Variants in UNC45B observed in about 807,000 individuals in gnomAD.
UNC45B encodes the protein unc-45 myosin chaperone B.
A neutral mutation model predicts 98.7 loss-of-function variants in UNC45B; 78 were observed. The observed-to-expected ratio is 0.79, with a 90% CI of 0.66 to 0.95. UNC45B has a LOEUF of 0.95. Among genes scored for constraint, UNC45B ranks in the 40% least tolerant of loss-of-function variants. The pLI, the probability that UNC45B is intolerant of heterozygous loss-of-function variation, is 0.00. For synonymous variants in UNC45B, 462 were observed against 480.4 expected (o/e 0.96, Z 0.50); for missense variants, 1,225 against 1,184.9 (o/e 1.03, Z -0.50).
intron 5 of UNC45B, 86 bp from the exon 6 acceptor site, chr17:35,154,488 C>A: frequency 7.9e-7 from 1 of 1,260,114 alleles, no homozygotes; most frequent in Non-Finnish European, 1.1e-6. Context: ...CCAGTCTTTG[C>A]ACTGGCTCTT....
Position 35,150,243 on chromosome 17 carries a change from A to G in UNC45B, c.381+20A>G, listed in dbSNP as rs1445841180. On this transcript the variant is annotated intron_variant, in intron 4 of 19. Transcript: ENST00000394570. ...GAGAAGGTGAGCTGGGCCTCTTCCCACAACCCTTGGCTGCCCAGCCCCTCT... is the reference window on the plus strand; with the variant it reads ...GAGAAGGTGAGCTGGGCCTCTTCCCGCAACCCTTGGCTGCCCAGCCCCTCT... The G allele has an allele frequency of 5.6e-6, 9 of 1,596,598 alleles. No individual in the cohort carries two copies. Among genetic ancestry groups the G allele is most frequent in the Non-Finnish European group, 6.8e-6 (8 of 1,171,360 alleles).
chr17:35,161,988 C>T (rs2142550100), intron 8 of UNC45B, among the ~76,000 whole-genome samples: 1 of 152,326 alleles, frequency 6.6e-6, no homozygotes, highest in Non-Finnish European at 1.5e-5. Context: ...GGGATGGCTA[C>T]CTGGAGAGGG....
chr17:35,175,424 TG>T (rs2092225819), intron 14 of UNC45B, among the ~76,000 whole-genome samples: 1 of 151,940 alleles, frequency 6.6e-6, no homozygotes, highest in South Asian at 2.1e-4. Flanking sequence ...GGGAGGTGGG[TG>T]GGCAGCTGGT....
chr17:35,180,452 G>T, intron 17 of UNC45B, 107 bp from the exon 18 acceptor site: 1 of 820,136 alleles, frequency 1.2e-6, no homozygotes. Context: ...CTGAGGATGT[G>T]GGAAGGACAG....
At chr17:35,171,978 T>A (rs1241602705) in intron 13 of UNC45B, among the ~76,000 whole-genome samples, 5 of 150,922 alleles carry the variant, frequency 3.3e-5, no homozygotes, top group Admixed American at 1.3e-4. Context: ...TGCCAGCCAA[T>A]AAAATCATTT....
intron 9 of UNC45B, among the ~76,000 whole-genome samples, chr17:35,166,657 G>C (rs9893213): frequency 0.72 from 109,815 of 152,010 alleles, 39,831 homozygotes; most frequent in East Asian, 0.88. Context: ...AGGTCAGACC[G>C]CAACTAATTA....
At chr17:35,163,960 C>A (rs2092120126) in intron 8 of UNC45B, 35 bp from the exon 9 acceptor site, 1 of 1,569,686 alleles carries the variant, frequency 6.4e-7, no homozygotes, top group South Asian at 1.2e-5. Context: ...TGGAGCCCAG[C>A]AGGAATCTTA....
Position 35,155,484 on chromosome 17 carries a change from T to C in UNC45B, c.808+20T>C. The C allele has an allele frequency of 1.2e-6, 2 of 1,612,054 alleles. No homozygotes were observed. Among genetic ancestry groups the C allele is most frequent in the Non-Finnish European group, 1.7e-6 (2 of 1,178,480 alleles). ...TTCTAGGTAGGAAACATTCTTCAGTTTTGATTCAAGGGGATGGGGAAAGAA... is the reference window on the plus strand; with the variant it reads ...TTCTAGGTAGGAAACATTCTTCAGTCTTGATTCAAGGGGATGGGGAAAGAA... On this transcript the variant is annotated intron_variant, in intron 7 of 19. Transcript: ENST00000394570.
chr17:35,159,246 C>T (rs770778416), intron 7 of UNC45B, 129 bp from the exon 8 acceptor site: 3 of 928,640 alleles, frequency 3.2e-6, no homozygotes, highest in Non-Finnish European at 3.3e-6. Flanking sequence ...CTATACTCCC[C>T]TGGGAATTCA....
At chr17:35,152,805 C>A in intron 4 of UNC45B, 88 bp from the exon 5 acceptor site, 1 of 979,970 alleles carries the variant, frequency 1.0e-6, no homozygotes, top group Non-Finnish European at 1.7e-6. Flanking sequence ...AGAGTAGACA[C>A]CTGATATTTA....
chr17:35,148,126 G>T, intron 1 of UNC45B, 138 bp from the exon 2 acceptor site: 1 of 911,336 alleles, frequency 1.1e-6, no homozygotes, highest in East Asian at 2.6e-5. Context: ...GGGTTCTGGG[G>T]GTGGGTCCCT....
intron 7 of UNC45B, 48 bp downstream of exon 7, chr17:35,155,512 G>T (rs748435230): frequency 3.8e-6 from 6 of 1,589,892 alleles, no homozygotes; most frequent in Non-Finnish European, 2.6e-6. Context: ...GGAAAGAAAA[G>T]GTCAGTTGCT....
intron 4 of UNC45B, among the ~76,000 whole-genome samples, chr17:35,152,302 A>AC (rs901899985): frequency 1.8e-4 from 28 of 151,950 alleles, no homozygotes; most frequent in African/African-American, 5.3e-4. Flanking sequence ...AGTAGTGTGG[A>AC]CCCCCCCAAA....
intron 18 of UNC45B, 53 bp downstream of exon 18, chr17:35,180,729 A>G (rs1416856100): frequency 1.7e-5 from 25 of 1,457,798 alleles, no homozygotes; most frequent in Middle Eastern, 2.2e-4. Context: ...CACGAGAGGC[A>G]GGCCAGGGTC....
rs1431094983 is a variant in UNC45B at position 35,169,864 on chromosome 17, G to A, written c.1480G>A (p.Gly494Ser). The change falls in exon 11 of 20, where the codon GGC becomes AGC. Residue 494 changes from glycine to serine, a missense_variant. By Grantham distance (56) the Gly-to-Ser change is moderately conservative. Transcript: ENST00000394570. ...ACTCTGTAAGCTCGGCTCTGCAGGT[G>A]GCACAGACTACGGTCTCAGGCAGTT... The part of the protein sequence containing the change: ...VGLCKLGSAG[G>S]TDYGLRQFAE... The A allele has an allele frequency of 6.2e-7, 1 of 1,614,180 alleles. No homozygotes were observed. The highest frequency in any genetic ancestry group is 1.7e-5 in the Admixed American group (1 of 60,020).
intron 7 of UNC45B, among the ~76,000 whole-genome samples, chr17:35,157,514 A>G (rs1378126823): frequency 4.6e-5 from 7 of 152,028 alleles, no homozygotes; most frequent in Admixed American, 4.6e-4. Context: ...ATTTATAATT[A>G]TTTCCTGGGG....
Position 35,186,768 on chromosome 17 carries a change from G to C in UNC45B, c.*209G>C. On this transcript the variant is annotated 3_prime_UTR_variant, in exon 20 of 20. Coordinates refer to ENST00000394570, the MANE Select transcript of UNC45B (RefSeq NM_001267052.2). ...TGTTTCACTCTCTCTCTTGCTTCCT[G>C]TCTCCTTATATTTGTCATGTTTCAG... 1 of 492,918 alleles carries C rather than the reference G, an allele frequency of 2.0e-6. No individual in the cohort carries two copies. The highest frequency in any genetic ancestry group is 3.5e-6 in the Non-Finnish European group (1 of 285,466). 30.5% of individuals were successfully genotyped at this position (492,918 alleles called of 1,614,324 possible). A position where few individuals can be genotyped will look rare whatever the true frequency, so the allele number is the denominator to read the frequency against.
At chr17:35,148,495 C>T (rs1211835134) in intron 2 of UNC45B, 64 bp downstream of exon 2, 1 of 1,533,220 alleles carries the variant, frequency 6.5e-7, no homozygotes, top group South Asian at 1.2e-5. Flanking sequence ...TGAGTGGCAG[C>T]CCCTTCACCC....
chr17:35,182,570 C>A lies in UNC45B; in HGVS notation c.2374-857C>A, dbSNP rs187587016. Among the ~76,000 whole-genome samples the A allele has an allele frequency of 5.3e-3, 801 of 152,118 alleles. 2 individuals carry two copies. The highest frequency in any genetic ancestry group is 6.4e-3 in the Non-Finnish European group (435 of 67,980). ...CATGTTCCATCTATGAGAACTAGGC[C>A]ACCACCACATCGAGATGTGAGAAAT... On this transcript the variant is annotated intron_variant, in intron 18 of 19. Transcript: ENST00000394570.
Sources: gnomAD v4.1 joint callset for allele counts (sites outside exome capture counted in the v4.1 genomes callset) on GRCh38, gnomAD v4.1.1 for gene constraint, MANE v1.5 for transcripts, NCBI Gene and HGNC (gene_info 2026-07-23, HGNC 2026-07-21) for gene names.